The following THAP1 variants were observed in gnomAD, a reference collection of about 807,000 sequenced individuals.
The protein encoded by THAP1 is THAP domain-containing protein 1.
A neutral mutation model predicts 18.2 loss-of-function variants in THAP1; 6 were observed. That is an observed-to-expected ratio of 0.33 (90% CI 0.18 to 0.65). THAP1 has a LOEUF of 0.65. Ranked by LOEUF, THAP1 falls within the 30% of genes least tolerant of loss-of-function variation. THAP1 has a pLI of 0.74. For synonymous variants in THAP1, 85 were observed against 90.5 expected (o/e 0.94, Z 0.34); for missense variants, 176 against 253.0 (o/e 0.70, Z 2.06).
At chr8:42,838,897 G>T (rs1425740791) in intron 2 of THAP1, among the ~76,000 whole-genome samples, 2 of 152,118 alleles carry the variant, frequency 1.3e-5, no homozygotes, top group Non-Finnish European at 2.9e-5. Context: ...AGAAAAAAAT[G>T]CTTTGAAACT....
intron 2 of THAP1, among the ~76,000 whole-genome samples, chr8:42,838,751 G>C (rs2128918546): frequency 6.6e-6 from 1 of 152,044 alleles, no homozygotes; most frequent in African/African-American, 2.4e-5. Flanking sequence ...CTTTTTTTGG[G>C]AATCAGTGGT....
At chr8:42,838,467 A>G (rs1479081417) in intron 2 of THAP1, 131 bp from the exon 3 acceptor site, 1 of 1,210,362 alleles carries the variant, frequency 8.3e-7, no homozygotes, top group Non-Finnish European at 1.2e-6. Flanking sequence ...TGGGCGGATC[A>G]CCTGAGGTCA....
Position 42,836,952 on chromosome 8 carries a change from A to G in THAP1, c.*1010T>C, listed in dbSNP as rs547826107. On this transcript the variant is annotated 3_prime_UTR_variant, in exon 3 of 3. Coordinates refer to ENST00000254250, the MANE Select transcript of THAP1 (RefSeq NM_018105.3). ...AAACGCTACATAGTAGGTTGTTCTG[A>G]ATATAAATCACGCACTTAACTAAAT... 5.9e-5 allele frequency: 9 copies of G among 152,374 alleles called. No homozygotes were observed. Among genetic ancestry groups the G allele is most frequent in the African/African-American group, 1.9e-4 (8 of 41,590 alleles). The allele number at this position is 152,374 out of a possible 1,614,324, so 9.4% of individuals were successfully genotyped here. A position where few individuals can be genotyped will look rare whatever the true frequency, so the allele number is the denominator to read the frequency against.
At chr8:42,840,591 T>C (rs1442466482) in intron 1 of THAP1, among the ~76,000 whole-genome samples, 2 of 152,200 alleles carry the variant, frequency 1.3e-5, no homozygotes, top group African/African-American at 2.4e-5. Context: ...AAGAGATCTT[T>C]ATGACAGTCC....
intron 1 of THAP1, among the ~76,000 whole-genome samples, chr8:42,840,414 G>C (rs1047199250): frequency 6.6e-6 from 1 of 152,176 alleles, no homozygotes; most frequent in African/African-American, 2.4e-5. Flanking sequence ...ATTAGGCCCA[G>C]GTAAACGGGG....
rs1563644488 is a variant in THAP1, at chr8:42,838,352, A to G, written c.268-16T>C. Reference sequence around the variant, plus strand: ...GATCTTCTTTCTAAAACAAAAATACAAAGTATGTTTGAATTTAGTAACTAA... The same window carrying G: ...GATCTTCTTTCTAAAACAAAAATACGAAGTATGTTTGAATTTAGTAACTAA... On this transcript the variant is annotated splice_polypyrimidine_tract_variant and intron_variant, in intron 2 of 2. Coordinates refer to ENST00000254250, the MANE Select transcript of THAP1 (RefSeq NM_018105.3). 3 of 1,612,722 alleles carry G rather than the reference A, an allele frequency of 1.9e-6. No individual in the cohort carries two copies. The highest frequency in any genetic ancestry group is 4.5e-5 in the East Asian group (2 of 44,882).
rs931636160 is a variant in THAP1 at position 42,837,017 on chromosome 8, ATTT to A, written c.*942_*944del. The A allele has an allele frequency of 2.6e-5, 4 of 152,322 alleles. No individual in the cohort carries two copies. The East Asian group carries it at 7.7e-4, about 29-fold the overall frequency. 9.4% of individuals were successfully genotyped at this position (152,322 alleles called of 1,614,324 possible). A position where few individuals can be genotyped will look rare whatever the true frequency, so the allele number is the denominator to read the frequency against. ...AACTTGTGTTAAAAGTGAAGAAATA[ATTT>A]TTTATGTGAAGCCTTGTCCCAACTC... On this transcript the variant is annotated 3_prime_UTR_variant, in exon 3 of 3. Coordinates refer to ENST00000254250, the MANE Select transcript of THAP1 (RefSeq NM_018105.3).
At chr8:42,841,005 G>T (rs1405575208) in intron 1 of THAP1, among the ~76,000 whole-genome samples, 1 of 150,408 alleles carries the variant, frequency 6.6e-6, no homozygotes, top group South Asian at 2.1e-4. Flanking sequence ...AATCTCAACT[G>T]GAACGGCCTC....
At chr8:42,839,402 A>G in intron 1 of THAP1, 21 bp from the exon 2 acceptor site, 1 of 1,613,368 alleles carries the variant, frequency 6.2e-7, no homozygotes, top group Non-Finnish European at 8.5e-7. Flanking sequence ...GGCATAATTC[A>G]ATTATCTGTC....
rs1802643900 is a variant in THAP1 at position 42,837,849 on chromosome 8, G to A, written c.*113C>T. 5 of 1,174,122 alleles carry A rather than the reference G, an allele frequency of 4.3e-6. No individual in the cohort carries two copies. The highest frequency in any genetic ancestry group is 1.8e-5 in the South Asian group (1 of 56,994). 72.7% of individuals were successfully genotyped at this position (1,174,122 alleles called of 1,614,324 possible). A position where few individuals can be genotyped will look rare whatever the true frequency, so the allele number is the denominator to read the frequency against. On this transcript the variant is annotated 3_prime_UTR_variant, in exon 3 of 3. Transcript: ENST00000254250. ...AGAATTTTTTTTAAAAAAATATTCT[G>A]AACTGTTTTTATATAAGTAATCAAA...
At chr8:42,840,739 A>T (rs1802700959) in intron 1 of THAP1, among the ~76,000 whole-genome samples, 1 of 152,114 alleles carries the variant, frequency 6.6e-6, no homozygotes, top group African/African-American at 2.4e-5. Context: ...GAGGCTGAGG[A>T]GGGCGGATCA....
chr8:42,837,929 GC>G lies in THAP1; in HGVS notation c.*32del. On this transcript the variant is annotated 3_prime_UTR_variant, in exon 3 of 3. Coordinates refer to ENST00000254250, the MANE Select transcript of THAP1 (RefSeq NM_018105.3). The stretch of plus-strand genomic sequence containing the variant: ...AGGCTAGAGGAGGATATGTGGTATT[GC>G]CCCATTAGAAATCAATACACATTTC... The G allele has an allele frequency of 6.2e-7, 1 of 1,606,350 alleles. No homozygotes were observed.
In THAP1 at chr8:42,838,242, G is replaced by A; in HGVS notation, c.362C>T (p.Pro121Leu). The A allele has an allele frequency of 6.2e-7, 1 of 1,614,114 alleles. No individual in the cohort carries two copies. Among genetic ancestry groups the A allele is most frequent in the Non-Finnish European group, 8.5e-7 (1 of 1,179,996 alleles). The change falls in exon 3 of 3, where the codon CCG becomes CTG. Residue 121 changes from proline to leucine, a missense_variant. By Grantham distance (98) the Pro-to-Leu change is moderately conservative (BLOSUM62 -3). Transcript: ENST00000254250. ...GAGATTAACAGGGGTCTGAAGAGGCGGCATTAGTAATCCAATAGCAGCATC... is the reference window on the plus strand; with the variant it reads ...GAGATTAACAGGGGTCTGAAGAGGCAGCATTAGTAATCCAATAGCAGCATC... ...QVDAAIGLLM[P>L]PLQTPVNLSV...
rs2128919286 is a variant in THAP1, at chr8:42,843,062, C to T, written c.33G>A (p.Lys11=). 1.2e-6 allele frequency: 2 copies of T among 1,614,006 alleles called. No individual in the cohort carries two copies. The highest frequency in any genetic ancestry group is 2.2e-5 in the South Asian group (2 of 91,082). MVQSCSAYGC[K]NRYDKDKPVS... is the part of the protein sequence containing the mutation. Reference sequence around the variant, plus strand: ...CGGGCTTGTCCTTGTCGTAGCGGTTCTTGCAGCCGTAGGCGGAGCAGGACT... The same window carrying T: ...CGGGCTTGTCCTTGTCGTAGCGGTTTTTGCAGCCGTAGGCGGAGCAGGACT... The change falls in exon 1 of 3, where the codon AAG becomes AAA. Residue 11 remains lysine (K), a synonymous_variant. Transcript: ENST00000254250.
At position 42,843,008 on chromosome 8, in the gene THAP1, C is replaced by G; in HGVS notation, c.71+16G>C. 2 of 1,606,300 alleles carry G rather than the reference C, an allele frequency of 1.2e-6. No homozygotes were observed. The highest frequency in any genetic ancestry group is 1.7e-6 in the Non-Finnish European group (2 of 1,175,856). ...CCCGGCTGAGACCGGCCCCGCGAGG[C>G]GCGCAGGGTCCTCACTTGTGGAAAG... On this transcript the variant is annotated intron_variant, in intron 1 of 2. Coordinates refer to ENST00000254250, the MANE Select transcript of THAP1 (RefSeq NM_018105.3).
chr8:42,837,849 G>T lies in THAP1; in HGVS notation c.*113C>A. On this transcript the variant is annotated 3_prime_UTR_variant, in exon 3 of 3. Transcript: ENST00000254250. Reference sequence around the variant, plus strand: ...AGAATTTTTTTTAAAAAAATATTCTGAACTGTTTTTATATAAGTAATCAAA... The same window carrying T: ...AGAATTTTTTTTAAAAAAATATTCTTAACTGTTTTTATATAAGTAATCAAA... 1 of 1,174,238 alleles carries T rather than the reference G, an allele frequency of 8.5e-7. No homozygotes were observed. Among genetic ancestry groups the T allele is most frequent in the African/African-American group, 1.6e-5 (1 of 63,766 alleles). 72.7% of individuals were successfully genotyped at this position (1,174,238 alleles called of 1,614,324 possible). A position where few individuals can be genotyped will look rare whatever the true frequency, so the allele number is the denominator to read the frequency against.
intron 2 of THAP1, among the ~76,000 whole-genome samples, chr8:42,838,662 G>C (rs1802660809): frequency 6.6e-6 from 1 of 151,900 alleles, no homozygotes; most frequent in South Asian, 2.1e-4. Flanking sequence ...ACTCCAGCCT[G>C]GGCAACAAAG....
At position 42,837,885 on chromosome 8, in the gene THAP1, T is replaced by C; in HGVS notation, c.*77A>G. On this transcript the variant is annotated 3_prime_UTR_variant, in exon 3 of 3. Transcript: ENST00000254250. Reference sequence around the variant, plus strand: ...ATATAAGTAATCAAATGTTATTTTTTTAAATGAAACTCCTTTACAGGCTAG... The same window carrying C: ...ATATAAGTAATCAAATGTTATTTTTCTAAATGAAACTCCTTTACAGGCTAG... 1 of 1,507,140 alleles carries C rather than the reference T, an allele frequency of 6.6e-7. No individual in the cohort carries two copies. Among genetic ancestry groups the C allele is most frequent in the South Asian group, 1.3e-5 (1 of 79,044 alleles). The allele number at this position is 1,507,140 out of a possible 1,614,324, so 93.4% of individuals were successfully genotyped here.
At position 42,837,201 on chromosome 8, in the gene THAP1, C is replaced by A. The variant is rs534947228; in HGVS notation, c.*761G>T. On this transcript the variant is annotated 3_prime_UTR_variant, in exon 3 of 3. Transcript: ENST00000254250. ...AAAAAAGCGTATCATAGATCAGGTC[C>A]CAGTTTTAATTACTTCATTGATGAC... 1 of 152,202 alleles carries A rather than the reference C, an allele frequency of 6.6e-6. No individual in the cohort carries two copies. Among genetic ancestry groups the A allele is most frequent in the Non-Finnish European group, 1.5e-5 (1 of 68,008 alleles). 9.4% of individuals were successfully genotyped at this position (152,202 alleles called of 1,614,324 possible).
Sources: allele counts gnomAD v4.1 joint callset (sites outside exome capture counted in the v4.1 genomes callset), GRCh38; gene constraint gnomAD v4.1.1; transcripts MANE v1.5; gene names NCBI Gene and HGNC (gene_info 2026-07-23, HGNC 2026-07-21).